The following PPARG variants were observed in gnomAD, a reference collection of about 807,000 sequenced individuals.
PPARG encodes the protein peroxisome proliferator activated receptor gamma.
Under a neutral mutation model 39.2 loss-of-function variants are expected in PPARG, and 17 were observed. The ratio of observed to expected loss-of-function variants is 0.43; its 90% CI spans 0.30 to 0.65. The LOEUF is 0.65. Among genes scored for constraint, PPARG ranks in the 30% least tolerant of loss-of-function variants. The pLI is 0.13. For missense variants in PPARG, 406 were observed against 585.9 expected (o/e 0.69, Z 3.17); for synonymous variants, 223 against 215.7 (o/e 1.03, Z -0.30).
At chr3:12,432,127 T>G (rs2051681254) in intron 7 of PPARG, among the ~76,000 whole-genome samples, 1 of 152,152 alleles carries the variant, frequency 6.6e-6, no homozygotes, top group South Asian at 2.1e-4. Context: ...CTCAGATGGT[T>G]CTGCAAACAA....
At chr3:12,421,812 G>C (rs541473658) in intron 7 of PPARG, among the ~76,000 whole-genome samples, 1 of 152,266 alleles carries the variant, frequency 6.6e-6, no homozygotes, top group Non-Finnish European at 1.5e-5. Flanking sequence ...GCTTGGTGAC[G>C]CAAACCACCT....
intron 2 of PPARG, among the ~76,000 whole-genome samples, chr3:12,331,631 A>G (rs957675349): frequency 2.0e-5 from 3 of 152,206 alleles, no homozygotes; most frequent in African/African-American, 2.4e-5. Context: ...AGCTATGGAA[A>G]GGTGCATATG....
chr3:12,296,254 CAAAAAAAAAAA>C (rs545210244), intron 1 of PPARG, among the ~76,000 whole-genome samples: 2 of 48,650 alleles, frequency 4.1e-5, no homozygotes, highest in Non-Finnish European at 7.5e-5. Flanking sequence ...CACTTTGTCT[CAAAAAAAAAAA>C]AAAAAAAAAA....
At chr3:12,408,316 G>A (rs528418745) in intron 6 of PPARG, among the ~76,000 whole-genome samples, 6 of 152,228 alleles carry the variant, frequency 3.9e-5, no homozygotes, top group Admixed American at 3.3e-4. Flanking sequence ...AATTACAAAA[G>A]TCCTTGACTA....
intron 7 of PPARG, among the ~76,000 whole-genome samples, chr3:12,424,664 G>A (rs1298386027): frequency 1.3e-5 from 2 of 152,166 alleles, no homozygotes; most frequent in East Asian, 1.9e-4. Context: ...CCTAGCAGAG[G>A]TAGTGAAGGC....
At chr3:12,392,322 T>C (rs1028200201) in intron 4 of PPARG, among the ~76,000 whole-genome samples, 5 of 152,198 alleles carry the variant, frequency 3.3e-5, no homozygotes, top group African/African-American at 1.2e-4. Flanking sequence ...AGAGCACTTC[T>C]TAGAGCATGC....
At chr3:12,413,684 G>T (rs879908260) in intron 6 of PPARG, among the ~76,000 whole-genome samples, 1 of 151,976 alleles carries the variant, frequency 6.6e-6, no homozygotes, top group Non-Finnish European at 1.5e-5. Context: ...GCCGGGCGTG[G>T]TGGTGGGTGC....
At chr3:12,351,424 T>C (rs2048482782) in intron 2 of PPARG, 4 of 658,348 alleles carry the variant, frequency 6.1e-6, no homozygotes, top group South Asian at 5.2e-5. Context: ...CCCAGTCCTT[T>C]CTGTGTTTAT....
intron 2 of PPARG, among the ~76,000 whole-genome samples, chr3:12,325,613 A>C (rs1193015848): frequency 6.6e-6 from 1 of 151,876 alleles, no homozygotes; most frequent in Non-Finnish European, 1.5e-5. Context: ...AAAAAAATAA[A>C]TAAATAAATA....
intron 1 of PPARG, among the ~76,000 whole-genome samples, chr3:12,295,201 C>T (rs2046748990): frequency 6.6e-6 from 1 of 152,088 alleles, no homozygotes; most frequent in Non-Finnish European, 1.5e-5. Context: ...TTGATAATTA[C>T]CTGTGTAAAC....
intron 2 of PPARG, among the ~76,000 whole-genome samples, chr3:12,336,394 T>C (rs1339917213): frequency 2.0e-5 from 3 of 152,176 alleles, no homozygotes; most frequent in Admixed American, 2.0e-4. Context: ...TTTTCACCTC[T>C]TGATACTCTT....
At chr3:12,395,839 G>A (rs1190463606) in intron 5 of PPARG, among the ~76,000 whole-genome samples, 1 of 152,116 alleles carries the variant, frequency 6.6e-6, no homozygotes, top group Non-Finnish European at 1.5e-5. Context: ...TGCCCTTAGA[G>A]GAAAGCTCAA....
At chr3:12,300,428 G>A (rs902180373) in intron 1 of PPARG, among the ~76,000 whole-genome samples, 7 of 152,152 alleles carry the variant, frequency 4.6e-5, no homozygotes, top group Admixed American at 1.3e-4. Context: ...CTGTGTATTC[G>A]ACTTAGCCTG....
rs149324610 is a variant in PPARG, at chr3:12,401,597, G to A, written c.530-4285G>A. ...TTTTTCCCCCTTAAAAAAGGTATGC[G>A]TGCCTCAGCTGAAAGACAGAAAAAA... On this transcript the variant is annotated intron_variant, in intron 5 of 7. Coordinates refer to ENST00000651735, the MANE Select transcript of PPARG (RefSeq NM_138711.6). Among the ~76,000 whole-genome samples, 10 of 146,272 alleles carry A rather than the reference G, an allele frequency of 6.8e-5. No homozygotes were observed. The South Asian group carries it at 1.6e-3, about 23-fold the overall frequency.
intron 2 of PPARG, among the ~76,000 whole-genome samples, chr3:12,358,401 A>G (rs898791637): frequency 2.6e-5 from 4 of 152,218 alleles, no homozygotes; most frequent in African/African-American, 9.6e-5. Context: ...TCTTCTTCTC[A>G]TCTTTAAAAT....
At chr3:12,295,706 G>C (rs1385533190) in intron 1 of PPARG, among the ~76,000 whole-genome samples, 1 of 151,620 alleles carries the variant, frequency 6.6e-6, no homozygotes, top group Non-Finnish European at 1.5e-5. Context: ...TTAGAGACGG[G>C]GTTTCACCAT....
At chr3:12,349,644 A>G (rs923296082) in intron 2 of PPARG, among the ~76,000 whole-genome samples, 1 of 152,196 alleles carries the variant, frequency 6.6e-6, no homozygotes, top group Non-Finnish European at 1.5e-5. Flanking sequence ...GCCACATATT[A>G]TATTGGCAAT....
intron 2 of PPARG, among the ~76,000 whole-genome samples, chr3:12,345,748 GGTAA>G (rs1559501435): frequency 6.6e-6 from 1 of 152,154 alleles, no homozygotes; most frequent in Non-Finnish European, 1.5e-5. Context: ...TCACAGAACT[GGTAA>G]GTGACACCAG....
chr3:12,379,993 A>T, intron 3 of PPARG, 62 bp downstream of exon 3: 1 of 1,354,252 alleles, frequency 7.4e-7, no homozygotes. Flanking sequence ...TCTCTCAGTA[A>T]CCCTGTAATA....
Sources: gnomAD v4.1 joint callset for allele counts (sites outside exome capture counted in the v4.1 genomes callset) on GRCh38, gnomAD v4.1.1 for gene constraint, MANE v1.5 for transcripts, NCBI Gene and HGNC (gene_info 2026-07-23, HGNC 2026-07-21) for gene names.